TMEM38B: variants seen among roughly 807,000 people sequenced by gnomAD.
TMEM38B encodes transmembrane protein 38B.
In TMEM38B, 24 loss-of-function variants were observed where a neutral mutation model predicts 28.7. The observed-to-expected ratio is 0.84, with a 90% CI of 0.61 to 1.18. TMEM38B has a LOEUF of 1.18. Ranked by LOEUF, TMEM38B falls within the 50% of genes most tolerant of loss-of-function variation. The probability of loss-of-function intolerance (pLI) is 0.00; values close to 1 mark genes in which losing one functional copy is unlikely to be tolerated. For missense variants in TMEM38B, 380 were observed against 350.9 expected (o/e 1.08, Z -0.66); for synonymous variants, 131 against 127.7 (o/e 1.03, Z -0.17).
At chr9:105,704,346 G>A (rs912015212) in intron 1 of TMEM38B, among the ~76,000 whole-genome samples, 11 of 152,050 alleles carry the variant, frequency 7.2e-5, no homozygotes, top group East Asian at 1.9e-4. Flanking sequence ...GCTGTGAGCC[G>A]AGATCACTCC....
At chr9:105,758,334 C>T (rs1837908720) in intron 5 of TMEM38B, 1 of 856,340 alleles carries the variant, frequency 1.2e-6, no homozygotes, top group Non-Finnish European at 2.0e-6. Context: ...GAATTCAGAT[C>T]TTCCTGGTAT....
chr9:105,696,648 TAGAA>T (rs1374875089), intron 1 of TMEM38B, among the ~76,000 whole-genome samples: 1 of 152,214 alleles, frequency 6.6e-6, no homozygotes, highest in African/African-American at 2.4e-5. Flanking sequence ...TCCAGTTTCT[TAGAA>T]AGAAACCTTT....
chr9:105,715,727 C>T (rs959334612), intron 2 of TMEM38B, among the ~76,000 whole-genome samples: 3 of 151,814 alleles, frequency 2.0e-5, no homozygotes, highest in Admixed American at 2.0e-4. Context: ...CTCTTACTCT[C>T]TCCTGAGTGT....
At chr9:105,719,399 T>A (rs1002454099) in intron 2 of TMEM38B, among the ~76,000 whole-genome samples, 2 of 152,186 alleles carry the variant, frequency 1.3e-5, no homozygotes, top group Non-Finnish European at 2.9e-5. Context: ...AAATTATGTT[T>A]ACAGAAGGGT....
At chr9:105,727,916 T>C (rs977538170) in intron 4 of TMEM38B, among the ~76,000 whole-genome samples, 2 of 152,126 alleles carry the variant, frequency 1.3e-5, no homozygotes, top group African/African-American at 2.4e-5. Flanking sequence ...GTTCTCTTGT[T>C]CCCAGTCTCA....
At chr9:105,738,715 CTTTTTT>C (rs71489351) in intron 4 of TMEM38B, among the ~76,000 whole-genome samples, 3 of 109,668 alleles carry the variant, frequency 2.7e-5, no homozygotes, top group Admixed American at 9.9e-5. Context: ...TAATTTTTTC[CTTTTTT>C]TTTTTTTTTT....
intron 5 of TMEM38B, among the ~76,000 whole-genome samples, chr9:105,750,404 A>G (rs1837603885): frequency 6.6e-6 from 1 of 152,094 alleles, no homozygotes; most frequent in Non-Finnish European, 1.5e-5. Flanking sequence ...TGGGCAGATC[A>G]CCTGAGGTCA....
At position 105,774,272 on chromosome 9, in the gene TMEM38B, A is replaced by G. The variant is rs1214259054; in HGVS notation, c.*192A>G. 1.9e-6 allele frequency: 1 copy of G among 530,352 alleles called. No homozygotes were observed. The highest frequency in any genetic ancestry group is 3.0e-5 in the East Asian group (1 of 33,184). The allele number at this position is 530,352 out of a possible 1,614,324, so 32.9% of individuals were successfully genotyped here. On this transcript the variant is annotated 3_prime_UTR_variant, in exon 6 of 6. Coordinates refer to ENST00000374692, the MANE Select transcript of TMEM38B (RefSeq NM_018112.3). ...TGTATTTGTAGAGTGTTACGAGTGT[A>G]TCATGTGATTATGCTTTACCGGTAT... is the stretch of plus-strand genomic sequence containing the variant.
At chr9:105,737,439 T>C (rs1293862133) in intron 4 of TMEM38B, among the ~76,000 whole-genome samples, 1 of 152,054 alleles carries the variant, frequency 6.6e-6, no homozygotes, top group Non-Finnish European at 1.5e-5. Context: ...TGGTAGTATA[T>C]GGCAGAGGCC....
At chr9:105,747,678 A>G (rs538523187) in intron 4 of TMEM38B, among the ~76,000 whole-genome samples, 70 of 152,126 alleles carry the variant, frequency 4.6e-4, no homozygotes, top group African/African-American at 1.4e-3. Flanking sequence ...TAGGGTGTCA[A>G]TTTTAGATCT....
chr9:105,749,480 T>A (rs945002195), intron 5 of TMEM38B, among the ~76,000 whole-genome samples: 1 of 152,160 alleles, frequency 6.6e-6, no homozygotes, highest in Admixed American at 6.5e-5. Flanking sequence ...ACCCTCATGA[T>A]TCAGTTACCT....
At chr9:105,701,281 A>C (rs1480153702) in intron 1 of TMEM38B, 1 of 152,172 alleles carries the variant, frequency 6.6e-6, no homozygotes, top group Non-Finnish European at 1.5e-5. Flanking sequence ...AGATAACTAA[A>C]GTACTTGCTA....
chr9:105,711,820 C>CAA (rs534100894), intron 2 of TMEM38B, among the ~76,000 whole-genome samples: 3 of 99,640 alleles, frequency 3.0e-5, no homozygotes, highest in African/African-American at 3.6e-5. Context: ...ACCCTGTCTC[C>CAA]AAAAAAAAAA....
chr9:105,705,481 A>G (rs1835622864), intron 1 of TMEM38B, 116 bp from the exon 2 acceptor site: 1 of 1,018,730 alleles, frequency 9.8e-7, no homozygotes, highest in African/African-American at 1.6e-5. Flanking sequence ...CCTATGAATA[A>G]TAGTTGTTGA....
intron 2 of TMEM38B, among the ~76,000 whole-genome samples, chr9:105,709,251 A>G (rs1319013205): frequency 1.3e-5 from 2 of 152,166 alleles, no homozygotes; most frequent in Non-Finnish European, 2.9e-5. Flanking sequence ...GGCTGAGTAA[A>G]CAATTTAATA....
intron 2 of TMEM38B, among the ~76,000 whole-genome samples, chr9:105,719,802 C>T (rs1373026755): frequency 6.6e-6 from 1 of 151,988 alleles, no homozygotes; most frequent in African/African-American, 2.4e-5. Flanking sequence ...GAAAATGGGT[C>T]ATTTATAACA....
intron 2 of TMEM38B, chr9:105,710,765 G>A (rs773372196): frequency 9.2e-5 from 50 of 544,984 alleles, no homozygotes; most frequent in Non-Finnish European, 1.5e-4. Context: ...TTGGGGAGAC[G>A]GCAGGTAGCG....
intron 4 of TMEM38B, among the ~76,000 whole-genome samples, chr9:105,738,910 A>G (rs1377565564): frequency 3.3e-5 from 5 of 151,596 alleles, no homozygotes; most frequent in Non-Finnish European, 7.4e-5. Flanking sequence ...TTTTGTAGAG[A>G]TGGAGTCTTA....
chr9:105,768,187 C>T (rs1826435594), intron 5 of TMEM38B, among the ~76,000 whole-genome samples: 1 of 152,038 alleles, frequency 6.6e-6, no homozygotes, highest in South Asian at 2.1e-4. Context: ...TTAAAATAAT[C>T]ATAGGGGTTT....
Sources: gnomAD v4.1 joint callset for allele counts (sites outside exome capture counted in the v4.1 genomes callset) on GRCh38, gnomAD v4.1.1 for gene constraint, MANE v1.5 for transcripts, NCBI Gene and HGNC (gene_info 2026-07-23, HGNC 2026-07-21) for gene names.